ANAPC15: variants seen among roughly 807,000 people sequenced by gnomAD.
ANAPC15 encodes the protein anaphase-promoting complex subunit 15.
In ANAPC15, 13 loss-of-function variants were observed where a neutral mutation model predicts 19.8. The ratio of observed to expected loss-of-function variants is 0.66; its 90% CI spans 0.43 to 1.04. The LOEUF is 1.04. Among genes scored for constraint, ANAPC15 ranks in the 50% least tolerant of loss-of-function variants. The pLI, the probability that ANAPC15 is intolerant of heterozygous loss-of-function variation, is 0.00. For missense variants in ANAPC15, 88 were observed against 150.3 expected, an observed-to-expected ratio of 0.59 and a Z score of 2.17; for synonymous variants, 45 against 50.7, an observed-to-expected ratio of 0.89 and a Z score of 0.47.
intron 3 of ANAPC15, 149 bp from the exon 4 acceptor site, chr11:72,110,752 T>G: frequency 1.4e-6 from 1 of 735,036 alleles, no homozygotes. Flanking sequence ...CCCTTTCTTG[T>G]CATCTGCCAT....
chr11:72,106,946 AAAAAAAAAAAAG>A (rs1945744263), downstream of ANAPC15: 1 of 151,190 alleles, frequency 6.6e-6, no homozygotes, highest in Non-Finnish European at 1.4e-5. Context: ...GTCTCAAAAA[AAAAAAAAAAAAG>A]AAAAAGAAAA....
downstream of ANAPC15, chr11:72,109,290 G>A (rs1247925325): frequency 4.2e-6 from 2 of 472,826 alleles, no homozygotes; most frequent in Middle Eastern, 3.2e-4. Flanking sequence ...GAGCTCCAGG[G>A]GCCTCCCAGT....
At position 72,109,651 on chromosome 11, in the gene ANAPC15, G is replaced by A; in HGVS notation, c.*230C>T. 1.6e-6 allele frequency: 1 copy of A among 606,892 alleles called. No individual in the cohort carries two copies. The highest frequency in any genetic ancestry group is 2.0e-5 in the South Asian group (1 of 50,856). The allele number at this position is 606,892 out of a possible 1,614,324, so 37.6% of individuals were successfully genotyped here. ...CCAGACCTGGCAATCAAGGGGTGAGGTACTGGCCAGGAAGGTGGAGTAGGT... is the reference window on the plus strand; with the variant it reads ...CCAGACCTGGCAATCAAGGGGTGAGATACTGGCCAGGAAGGTGGAGTAGGT... On this transcript the variant is annotated 3_prime_UTR_variant, in exon 6 of 6. Transcript: ENST00000227618.
At chr11:72,107,146 G>C (rs918565644), downstream of ANAPC15, 7 of 410,678 alleles carry the variant, frequency 1.7e-5, no homozygotes, top group African/African-American at 1.5e-4. Context: ...GAGTAACTGT[G>C]GTTCCAGCTA....
downstream of ANAPC15, chr11:72,108,787 C>A (rs375590805): frequency 6.4e-7 from 1 of 1,550,434 alleles, no homozygotes. Context: ...ACCATGTGCT[C>A]TTCCCTGGTG....
At chr11:72,112,139 A>C (rs1209270764) in intron 1 of ANAPC15, 1 of 153,182 alleles carries the variant, frequency 6.5e-6, no homozygotes, top group African/African-American at 2.4e-5. Flanking sequence ...AATTTATCTG[A>C]CCGACCCAGG....
chr11:72,107,222 A>G, downstream of ANAPC15: 1 of 558,976 alleles, frequency 1.8e-6, no homozygotes, highest in South Asian at 2.3e-5. Context: ...AGCCGTGATC[A>G]TGCTACTGCA....
At chr11:72,109,404 C>G (rs1030197679), downstream of ANAPC15, 2 of 458,178 alleles carry the variant, frequency 4.4e-6, no homozygotes, top group African/African-American at 4.0e-5. Context: ...TGGATGCAAG[C>G]TGGGCCAGAG....
At chr11:72,108,027 C>T (rs564372520), downstream of ANAPC15, 1 of 1,551,626 alleles carries the variant, frequency 6.4e-7, no homozygotes, top group Non-Finnish European at 8.7e-7. Context: ...AGCCCTGCCC[C>T]CTGGGGGTCG....
chr11:72,108,709 T>C (rs1591194122), downstream of ANAPC15: 3 of 1,549,356 alleles, frequency 1.9e-6, no homozygotes, highest in East Asian at 2.4e-5. Context: ...GGCCACGATG[T>C]TACCTGAGGG....
chr11:72,110,027 A>G, intron 5 of ANAPC15, 61 bp downstream of exon 5: 1 of 1,613,940 alleles, frequency 6.2e-7, no homozygotes, highest in Non-Finnish European at 8.5e-7. Flanking sequence ...CCCCTTGGCC[A>G]TCAACTGGGT....
chr11:72,111,680 G>A (rs1222276864), intron 1 of ANAPC15, among the ~76,000 whole-genome samples, 184 bp from the exon 2 acceptor site: 3 of 152,122 alleles, frequency 2.0e-5, no homozygotes, highest in Non-Finnish European at 4.4e-5. Context: ...AGAGGTAGCA[G>A]GGTTCTACTG....
downstream of ANAPC15, chr11:72,107,524 G>GC: frequency 1.4e-6 from 1 of 702,932 alleles, no homozygotes; most frequent in Non-Finnish European, 2.6e-6. Context: ...ATGAAGGAAT[G>GC]AGACAGCTTG....
At chr11:72,112,116 C>T (rs1261335100) in intron 1 of ANAPC15, 1 of 153,136 alleles carries the variant, frequency 6.5e-6, no homozygotes, top group East Asian at 1.9e-4. Flanking sequence ...ATGCCTGGTC[C>T]TGCTTTTGTC....
chr11:72,110,196 A>G lies in ANAPC15; in HGVS notation c.210T>C (p.Asp70=). The G allele has an allele frequency of 6.2e-7, 1 of 1,613,942 alleles. No individual in the cohort carries two copies. Among genetic ancestry groups the G allele is most frequent in the Non-Finnish European group, 8.5e-7 (1 of 1,179,988 alleles). The change falls in exon 5 of 6, where the codon GAT becomes GAC. Residue 70 remains aspartate, a synonymous_variant. Coordinates refer to ENST00000227618, the MANE Select transcript of ANAPC15 (RefSeq NM_014042.3). ...CCTCTTCACTATCCTCATCATCTTC[A>G]TCATCCTCTTCTTCCTCGTCATCAT... ...EHYDDEEEED[D]EDDEDSEEDS... is the part of the protein sequence containing the mutation.
At chr11:72,107,900 G>C, downstream of ANAPC15, 1 of 1,551,476 alleles carries the variant, frequency 6.4e-7, no homozygotes, top group Non-Finnish European at 8.7e-7. Flanking sequence ...CATGTCTTCT[G>C]CAACAGCCAT....
downstream of ANAPC15, among the ~76,000 whole-genome samples, chr11:72,108,450 T>C (rs1945951686): frequency 6.6e-6 from 1 of 152,192 alleles, no homozygotes; most frequent in African/African-American, 2.4e-5. Context: ...ACAATACTGA[T>C]CCTGACTTCT....
rs1190025027 is a variant in ANAPC15 at position 72,109,873 on chromosome 11, T to G, written c.*8A>C. ...GGAATCTCCCTGAGGCCACCCTGCC[T>G]TGTCTACCTAGATCATCCACTGGTC... is the stretch of plus-strand genomic sequence containing the variant. On this transcript the variant is annotated 3_prime_UTR_variant, in exon 6 of 6. Transcript: ENST00000227618. 6.2e-7 allele frequency: 1 copy of G among 1,613,346 alleles called. No individual in the cohort carries two copies. Among genetic ancestry groups the G allele is most frequent in the East Asian group, 2.2e-5 (1 of 44,890 alleles).
downstream of ANAPC15, chr11:72,109,193 C>A: frequency 2.0e-6 from 1 of 504,258 alleles, no homozygotes; most frequent in Non-Finnish European, 3.7e-6. Context: ...CCAGCTCTGT[C>A]ACTGATTTGC....
Sources: gnomAD v4.1 joint callset for allele counts (sites outside exome capture counted in the v4.1 genomes callset) on GRCh38, gnomAD v4.1.1 for gene constraint, MANE v1.5 for transcripts, NCBI Gene and HGNC (gene_info 2026-07-23, HGNC 2026-07-21) for gene names.